Variants in ZC3H12B observed in about 807,000 individuals in gnomAD.
ZC3H12B encodes the protein probable ribonuclease ZC3H12B.
ZC3H12B carries 7 observed loss-of-function variants against 43.9 expected under a neutral mutation model. The observed-to-expected ratio is 0.16, with a 90% CI of 0.09 to 0.30. ZC3H12B has a LOEUF of 0.30. Ranked by LOEUF, ZC3H12B falls within the 10% of genes least tolerant of loss-of-function variation. The pLI is 1.00. For synonymous variants in ZC3H12B, 222 were observed against 241.7 expected, an observed-to-expected ratio of 0.92 and a Z score of 0.76; for missense variants, 475 against 670.2, an observed-to-expected ratio of 0.71 and a Z score of 3.22.
chrX:65,147,212 C>T, the ZC3H12B span, among the ~76,000 whole-genome samples: 2 of 111,994 alleles, frequency 1.8e-5, no homozygotes, highest in African/African-American at 3.2e-5. Flanking sequence ...TTGGGAAAGC[C>T]CTTCACCAGT....
intron 3 of ZC3H12B, among the ~76,000 whole-genome samples, chrX:65,463,950 G>T (rs1166099341): frequency 9.0e-6 from 1 of 111,721 alleles, no homozygotes; most frequent in East Asian, 2.8e-4. Context: ...ATTTGGTGCT[G>T]CCACAGCTGC....
At chrX:65,053,085 A>G in the ZC3H12B span, among the ~76,000 whole-genome samples, 1 of 111,043 alleles carries the variant, frequency 9.0e-6, no homozygotes, top group East Asian at 2.8e-4. Context: ...TCTATTGTTC[A>G]CATGCCTGTT....
chrX:65,039,510 C>T, the ZC3H12B span, among the ~76,000 whole-genome samples: 1 of 111,648 alleles, frequency 9.0e-6, no homozygotes, highest in Non-Finnish European at 1.9e-5. Context: ...AATTACATAG[C>T]TCCTCATTAT....
the ZC3H12B span, among the ~76,000 whole-genome samples, chrX:65,183,986 A>T: frequency 9.0e-6 from 1 of 111,527 alleles, no homozygotes; most frequent in East Asian, 2.8e-4. Context: ...AGAAGAATTG[A>T]AATAGGAAGT....
At chrX:65,122,276 A>T in the ZC3H12B span, among the ~76,000 whole-genome samples, 1 of 111,029 alleles carries the variant, frequency 9.0e-6, no homozygotes, top group East Asian at 2.9e-4. Flanking sequence ...TTTCATACCC[A>T]GCCAAACTAA....
chrX:65,156,963 C>G, the ZC3H12B span, among the ~76,000 whole-genome samples: 1 of 110,930 alleles, frequency 9.0e-6, no homozygotes, highest in African/African-American at 3.3e-5. Context: ...TGACATTTTT[C>G]TTTCTTTCTT....
chrX:65,190,784 C>A, the ZC3H12B span, among the ~76,000 whole-genome samples: 2 of 104,979 alleles, frequency 1.9e-5, no homozygotes, highest in African/African-American at 3.5e-5. Context: ...ATTGAATACC[C>A]TTTATTTCCT....
At chrX:65,158,596 T>C in the ZC3H12B span, among the ~76,000 whole-genome samples, 1 of 112,149 alleles carries the variant, frequency 8.9e-6, no homozygotes, top group East Asian at 2.8e-4. Flanking sequence ...GTTCGTGTCC[T>C]TCACCCACTT....
chrX:65,307,033 T>A, the ZC3H12B span, among the ~76,000 whole-genome samples: 1 of 112,609 alleles, frequency 8.9e-6, no homozygotes, highest in Non-Finnish European at 1.9e-5. Flanking sequence ...ATTAACTATA[T>A]TGAAGCATGA....
At chrX:65,103,140 T>C in the ZC3H12B span, among the ~76,000 whole-genome samples, 1 of 111,427 alleles carries the variant, frequency 9.0e-6, no homozygotes, top group East Asian at 2.8e-4. Context: ...GGGAGCACTA[T>C]GGGAGACCGG....
At chrX:65,430,527 T>C (rs1278030431) in intron 3 of ZC3H12B, among the ~76,000 whole-genome samples, 1 of 76,247 alleles carries the variant, frequency 1.3e-5, no homozygotes, top group Non-Finnish European at 2.3e-5. Context: ...CGGTGTGTGA[T>C]GTTCCCCTTC....
intron 2 of ZC3H12B, among the ~76,000 whole-genome samples, chrX:65,380,207 G>A (rs1243361715): frequency 1.8e-5 from 2 of 111,826 alleles, no homozygotes; most frequent in African/African-American, 6.5e-5. Context: ...CAGCCAGAGA[G>A]AAAGGTAGGG....
At chrX:65,151,097 A>G in the ZC3H12B span, among the ~76,000 whole-genome samples, 5 of 112,351 alleles carry the variant, frequency 4.5e-5, no homozygotes, top group African/African-American at 1.6e-4. Flanking sequence ...CTATGAAGAA[A>G]TTTAAGTTAT....
At chrX:65,459,782 C>T (rs2067705230) in intron 3 of ZC3H12B, among the ~76,000 whole-genome samples, 1 of 111,699 alleles carries the variant, frequency 9.0e-6, no homozygotes, top group Non-Finnish European at 1.9e-5. Context: ...GAAGCATTCC[C>T]TCTGAAAACT....
At chrX:65,445,495 A>G (rs893729507) in intron 3 of ZC3H12B, among the ~76,000 whole-genome samples, 10 of 112,321 alleles carry the variant, frequency 8.9e-5, no homozygotes, top group African/African-American at 2.9e-4. Flanking sequence ...ATTTTCCCCC[A>G]AACAAATGGA....
chrX:65,449,022 A>AGAAAGAAAGAAAG (rs2067430425), intron 3 of ZC3H12B, among the ~76,000 whole-genome samples: 1 of 103,209 alleles, frequency 9.7e-6, no homozygotes, highest in African/African-American at 3.8e-5. Flanking sequence ...AAGGAAGGAA[A>AGAAAGAAAGAAAG]GAAGGAAAGA....
the ZC3H12B span, among the ~76,000 whole-genome samples, chrX:65,104,729 G>A: frequency 1.8e-5 from 2 of 111,696 alleles, no homozygotes; most frequent in Non-Finnish European, 3.8e-5. Flanking sequence ...CATTTAGAAT[G>A]GTGATCATTA....
At chrX:65,284,059 C>A in the ZC3H12B span, among the ~76,000 whole-genome samples, 1 of 110,771 alleles carries the variant, frequency 9.0e-6, no homozygotes. Context: ...GTGCACTTTT[C>A]ATCTTATAGC....
chrX:65,052,926 T>A, the ZC3H12B span, among the ~76,000 whole-genome samples: 8 of 111,959 alleles, frequency 7.1e-5, no homozygotes, highest in South Asian at 3.0e-3. Context: ...TTTCTCTACA[T>A]CCTCACCAGC....
Sources: allele counts gnomAD v4.1 joint callset (sites outside exome capture counted in the v4.1 genomes callset), GRCh38; gene constraint gnomAD v4.1.1; transcripts MANE v1.5; gene names NCBI Gene and HGNC (gene_info 2026-07-23, HGNC 2026-07-21).